Variants in CHRM3 observed in about 807,000 individuals in gnomAD.
CHRM3 encodes cholinergic receptor muscarinic 3, also known as muscarinic acetylcholine receptor M3.
A neutral mutation model predicts 41.8 loss-of-function variants in CHRM3; 11 were observed. The ratio of observed to expected loss-of-function variants is 0.26; its 90% confidence interval spans 0.17 to 0.44. CHRM3 has a LOEUF of 0.44. Among genes scored for constraint, CHRM3 ranks in the 20% least tolerant of loss-of-function variants. CHRM3 has a pLI of 1.00. For missense variants in CHRM3, 571 were observed against 745.4 expected (o/e 0.77, Z 2.72); for synonymous variants, 297 against 301.4 (o/e 0.99, Z 0.15).
chr1:239,776,157 C>T (rs1668067694), intron 5 of CHRM3, among the ~76,000 whole-genome samples: 1 of 152,170 alleles, frequency 6.6e-6, no homozygotes, highest in African/African-American at 2.4e-5. Flanking sequence ...CTATTACTCT[C>T]ATAGATGCAT....
rs115666385 is a variant in CHRM3, at chr1:239,524,644, A to T, written c.-421-20997A>T. On this transcript the variant is annotated intron_variant, in intron 2 of 6. Coordinates refer to ENST00000676153, the MANE Select transcript of CHRM3 (RefSeq NM_001375978.1). ...AGATCCTTTTTCATATTTAAATATTAACCAGAGTAAGCCATGTACTACCTT... is the reference window on the plus strand; with the variant it reads ...AGATCCTTTTTCATATTTAAATATTTACCAGAGTAAGCCATGTACTACCTT... Among the ~76,000 whole-genome samples, 913 of 152,302 alleles carry T rather than the reference A, an allele frequency of 6.0e-3. 10 individuals are homozygous for T. The highest frequency in any genetic ancestry group is 0.021 in the African/African-American group (878 of 41,568).
rs555871338 is a variant in CHRM3, at chr1:239,871,472, C to T, written c.-19-35961C>T. On this transcript the variant is annotated intron_variant, in intron 6 of 6. Coordinates refer to ENST00000676153, the MANE Select transcript of CHRM3 (RefSeq NM_001375978.1). ...GGCCAGGATGATCTCGATCTCTTGA[C>T]GTTGTCATCTGCCCGCCTCAGCCTC... is the stretch of plus-strand genomic sequence containing the variant. Among the ~76,000 whole-genome samples the T allele has an allele frequency of 2.0e-4, 31 of 152,180 alleles. 2 individuals carry two copies. The highest frequency in any genetic ancestry group is 7.5e-4 in the African/African-American group (31 of 41,524).
intron 2 of CHRM3, among the ~76,000 whole-genome samples, chr1:239,541,395 A>G (rs1456854188): frequency 1.3e-5 from 2 of 152,238 alleles, no homozygotes; most frequent in Admixed American, 6.5e-5. Context: ...AAGTTGACTT[A>G]CATCCATAAA....
chr1:239,665,333 C>G (rs1048623344), intron 4 of CHRM3, among the ~76,000 whole-genome samples: 4 of 152,084 alleles, frequency 2.6e-5, no homozygotes, highest in South Asian at 2.1e-4. Context: ...GTCTGCACTT[C>G]CACCTTGGTC....
intron 5 of CHRM3, among the ~76,000 whole-genome samples, chr1:239,694,550 A>C (rs1488679344): frequency 6.6e-6 from 1 of 152,240 alleles, no homozygotes; most frequent in Admixed American, 6.5e-5. Context: ...TGGTGAATTA[A>C]TATTTTTTGG....
Position 239,854,382 on chromosome 1 carries a change from C to A in CHRM3, c.-20+27004C>A, listed in dbSNP as rs1050937779. Among the ~76,000 whole-genome samples, 16 of 151,486 alleles carry A rather than the reference C, an allele frequency of 1.1e-4. 1 individual carries two copies. The highest frequency in any genetic ancestry group is 3.9e-4 in the African/African-American group (16 of 40,938). On this transcript the variant is annotated intron_variant, in intron 6 of 6. Coordinates refer to ENST00000676153, the MANE Select transcript of CHRM3 (RefSeq NM_001375978.1). The stretch of plus-strand genomic sequence containing the variant: ...TCCACTGGTGATGTACAGTGAACAA[C>A]AAAAACAACAACAACAAAAAACAAT...
At chr1:239,445,992 C>T (rs987209080) in intron 1 of CHRM3, among the ~76,000 whole-genome samples, 5 of 151,866 alleles carry the variant, frequency 3.3e-5, no homozygotes, top group African/African-American at 1.2e-4. Context: ...GGCTGCAGTG[C>T]AGTCACGCAA....
At chr1:239,457,510 C>T (rs776366609) in intron 1 of CHRM3, among the ~76,000 whole-genome samples, 27 of 152,060 alleles carry the variant, frequency 1.8e-4, no homozygotes, top group Non-Finnish European at 3.5e-4. Context: ...GAGATCAGAG[C>T]CCTATAAAGC....
chr1:239,493,250 T>C (rs1159787295), intron 2 of CHRM3, among the ~76,000 whole-genome samples: 1 of 152,188 alleles, frequency 6.6e-6, no homozygotes, highest in African/African-American at 2.4e-5. Flanking sequence ...TTCATGTAGA[T>C]TCACACAGGT....
intron 2 of CHRM3, among the ~76,000 whole-genome samples, chr1:239,518,217 ACTAT>A (rs565356863): frequency 6.8e-4 from 103 of 152,370 alleles, no homozygotes; most frequent in African/African-American, 2.4e-3. Context: ...CATTTTGTAG[ACTAT>A]CTGTAAGAAG....
In CHRM3 at chr1:239,715,052, G is replaced by C. The variant is rs184096911; in HGVS notation, c.-147+36764G>C. Among the ~76,000 whole-genome samples the C allele has an allele frequency of 1.2e-4, 18 of 152,258 alleles. No individual in the cohort carries two copies. In the East Asian group the frequency reaches 2.5e-3, roughly 21 times the overall value. The stretch of plus-strand genomic sequence containing the variant: ...AGGGAATGATGATGTCCTGAAGCCA[G>C]AGAAAGAGTGAATTATAAGATGGGA... On this transcript the variant is annotated intron_variant, in intron 5 of 6. Transcript: ENST00000676153.
chr1:239,711,577 G>C (rs919071720), intron 5 of CHRM3, among the ~76,000 whole-genome samples: 31 of 151,936 alleles, frequency 2.0e-4, no homozygotes, highest in Non-Finnish European at 3.5e-4. Context: ...GGGTCCTGAG[G>C]AGAGGATCAC....
At chr1:239,838,313 G>A (rs1022909606) in intron 6 of CHRM3, among the ~76,000 whole-genome samples, 1 of 152,106 alleles carries the variant, frequency 6.6e-6, no homozygotes, top group Non-Finnish European at 1.5e-5. Context: ...CTCTATGGAA[G>A]GTGTTTGGGC....
intron 4 of CHRM3, among the ~76,000 whole-genome samples, chr1:239,658,575 C>T (rs1278194618): frequency 6.6e-6 from 1 of 152,010 alleles, no homozygotes; most frequent in East Asian, 1.9e-4. Context: ...TATATGGTTG[C>T]CCAGAACATC....
chr1:239,553,895 C>G (rs1039186617), intron 3 of CHRM3, among the ~76,000 whole-genome samples: 1 of 152,064 alleles, frequency 6.6e-6, no homozygotes, highest in Non-Finnish European at 1.5e-5. Context: ...GTGGTTTCCA[C>G]ATCTGTTTTT....
chr1:239,534,797 A>G (rs552280224), intron 2 of CHRM3, among the ~76,000 whole-genome samples: 23 of 152,382 alleles, frequency 1.5e-4, no homozygotes, highest in African/African-American at 4.6e-4. Context: ...ACATAAGACC[A>G]TCAATAAATA....
At position 239,907,483 on chromosome 1, in the gene CHRM3, C is replaced by T; in HGVS notation, c.32C>T (p.Pro11Leu). Reference protein sequence around the residue: MTLHNNSTTSPLFPNISSSWI... With the variant: MTLHNNSTTSLLFPNISSSWI... ...TTGCACAATAACAGTACAACCTCGCCTTTGTTTCCAAACATCAGCTCCTCC... is the reference window on the plus strand; with the variant it reads ...TTGCACAATAACAGTACAACCTCGCTTTTGTTTCCAAACATCAGCTCCTCC... The change falls in exon 7 of 7, where the codon CCT (proline) becomes CTT (leucine). Residue 11 changes from proline (P) to leucine (L), a missense_variant. Physicochemically the swap from Pro to Leu is moderately conservative, Grantham distance 98. Transcript: ENST00000676153. The surrounding 1 kb of genome is among the most constrained non-coding windows in gnomAD (Gnocchi z 5.4). 1 of 1,614,152 alleles carries T rather than the reference C, an allele frequency of 6.2e-7. No homozygotes were observed. The highest frequency in any genetic ancestry group is 8.5e-7 in the Non-Finnish European group (1 of 1,180,014).
At chr1:239,693,439 G>A (rs968992344) in intron 5 of CHRM3, among the ~76,000 whole-genome samples, 6 of 152,130 alleles carry the variant, frequency 3.9e-5, no homozygotes, top group Non-Finnish European at 8.8e-5. Flanking sequence ...GCCCTAACCA[G>A]AAACCAAATT....
At position 239,789,437 on chromosome 1, in the gene CHRM3, T is replaced by C. The variant is rs113745070; in HGVS notation, c.-146-37815T>C. On this transcript the variant is annotated intron_variant, in intron 5 of 6. Transcript: ENST00000676153. ...ATTGCTATAAAGGCGTGCCTGAGAC[T>C]GGGTAATGTATAAAGAAGAAAGGCA... Among the ~76,000 whole-genome samples, 1,408 of 152,262 alleles carry C rather than the reference T, an allele frequency of 9.2e-3. 25 individuals carry two copies. Among genetic ancestry groups the C allele is most frequent in the African/African-American group, 0.033 (1,352 of 41,550 alleles).
Sources: allele counts gnomAD v4.1 joint callset (sites outside exome capture counted in the v4.1 genomes callset), GRCh38; gene constraint gnomAD v4.1.1; non-coding constraint Gnocchi (gnomAD v3.1); transcripts MANE v1.5; gene names NCBI Gene and HGNC (gene_info 2026-07-23, HGNC 2026-07-21).